The following ADIPOR1 variants were observed in gnomAD, a reference collection of about 807,000 sequenced individuals.
ADIPOR1 encodes adiponectin receptor protein 1.
Under a neutral mutation model 37.5 loss-of-function variants are expected in ADIPOR1, and 15 were observed. The ratio of observed to expected loss-of-function variants is 0.40; its 90% CI spans 0.27 to 0.62. ADIPOR1 has a LOEUF of 0.62. Among genes scored for constraint, ADIPOR1 ranks in the 20% least tolerant of loss-of-function variants. The pLI, the probability that ADIPOR1 is intolerant of heterozygous loss-of-function variation, is 0.42. For synonymous variants in ADIPOR1, 173 were observed against 173.2 expected (o/e 1.00, Z 0.01); for missense variants, 286 against 478.0 (o/e 0.60, Z 3.75).
In ADIPOR1 at chr1:202,943,785, T is replaced by TGG; in HGVS notation, c.776_777dup (p.Thr260ProfsTer18). 2 of 1,613,542 alleles carry TGG rather than the reference T, an allele frequency of 1.2e-6. No homozygotes were observed. The highest frequency in any genetic ancestry group is 1.7e-6 in the Non-Finnish European group (2 of 1,179,984). ...GCTCTTGTCTGCCGGTGCTTAGGAGTGGCAAACCGGTCCCACTGCGCCACA... is the reference window on the plus strand; with the variant it reads ...GCTCTTGTCTGCCGGTGCTTAGGAGTGGGGCAAACCGGTCCCACTGCGCCACA... On this transcript the variant is annotated frameshift_variant, in exon 6 of 8. Transcript: ENST00000340990. LOFTEE classifies it high-confidence loss of function.
chr1:202,941,499 C>T lies in ADIPOR1; in HGVS notation c.*74G>A, dbSNP rs538434248. ...CTAGAAACAGACAACTCAGACTCTT[C>T]CTCTCACTTCAGCAAAGAAGTTATT... On this transcript the variant is annotated 3_prime_UTR_variant, in exon 8 of 8. Coordinates refer to ENST00000340990, the MANE Select transcript of ADIPOR1 (RefSeq NM_015999.6). 3.9e-6 allele frequency: 6 copies of T among 1,526,508 alleles called. No individual in the cohort carries two copies. The highest frequency in any genetic ancestry group is 2.6e-5 in the South Asian group (2 of 77,244). 94.6% of individuals were successfully genotyped at this position (1,526,508 alleles called of 1,614,324 possible).
chr1:202,954,280 A>G (rs1298750187), intron 1 of ADIPOR1: 1 of 152,252 alleles, frequency 6.6e-6, no homozygotes, highest in Admixed American at 6.5e-5. Flanking sequence ...TAGTGAGCAA[A>G]GTCCATTGTC....
chr1:202,948,282 G>A (rs777319423), intron 3 of ADIPOR1, 22 bp downstream of exon 3: 3 of 1,567,536 alleles, frequency 1.9e-6, no homozygotes, highest in South Asian at 2.4e-5. Context: ...CCCCTTCCAG[G>A]ACAGAAGCTC....
At chr1:202,946,311 T>C (rs926418902) in intron 4 of ADIPOR1, 128 bp downstream of exon 4, 1 of 1,150,168 alleles carries the variant, frequency 8.7e-7, no homozygotes, top group Admixed American at 2.2e-5. Context: ...GTTATTAGCT[T>C]AAAGTCATTA....
At chr1:202,950,899 C>A in intron 2 of ADIPOR1, 31 bp downstream of exon 2, 1 of 1,613,496 alleles carries the variant, frequency 6.2e-7, no homozygotes, top group Non-Finnish European at 8.5e-7. Context: ...AGAAACTGAA[C>A]AAGGGGATGA....
intron 5 of ADIPOR1, 99 bp downstream of exon 5, chr1:202,944,884 C>G: frequency 1.6e-6 from 2 of 1,224,466 alleles, no homozygotes; most frequent in African/African-American, 1.5e-5. Context: ...ATCAAGAAAC[C>G]TTTAGGAGTG....
chr1:202,941,492 G>C lies in ADIPOR1; in HGVS notation c.*81C>G. The C allele has an allele frequency of 6.6e-7, 1 of 1,508,468 alleles. No homozygotes were observed. Among genetic ancestry groups the C allele is most frequent in the Non-Finnish European group, 8.9e-7 (1 of 1,126,528 alleles). 93.4% of individuals were successfully genotyped at this position (1,508,468 alleles called of 1,614,324 possible). On this transcript the variant is annotated 3_prime_UTR_variant, in exon 8 of 8. Coordinates refer to ENST00000340990, the MANE Select transcript of ADIPOR1 (RefSeq NM_015999.6). ...GTTTCTTCTAGAAACAGACAACTCA[G>C]ACTCTTCCTCTCACTTCAGCAAAGA...
At chr1:202,945,218 T>A in intron 4 of ADIPOR1, 49 bp from the exon 5 acceptor site, 2 of 1,479,786 alleles carry the variant, frequency 1.4e-6, no homozygotes, top group Non-Finnish European at 9.0e-7. Flanking sequence ...AGGGAATGTG[T>A]ACACTTTGAT....
chr1:202,950,785 T>C (rs1571567345), intron 2 of ADIPOR1, 145 bp downstream of exon 2: 12 of 1,147,662 alleles, frequency 1.0e-5, no homozygotes, highest in African/African-American at 6.2e-5. Flanking sequence ...AAGATGTTTA[T>C]AACAGTATCA....
chr1:202,958,496 C>A (rs1437031114), upstream of ADIPOR1: 1 of 152,844 alleles, frequency 6.5e-6, no homozygotes, highest in East Asian at 1.9e-4. Context: ...AGCCAGGTAA[C>A]CTCCACCCGC....
chr1:202,943,610 G>T, intron 6 of ADIPOR1, 148 bp downstream of exon 6: 1 of 858,308 alleles, frequency 1.2e-6, no homozygotes, highest in Non-Finnish European at 1.8e-6. Flanking sequence ...ACTGAGCTTT[G>T]AAATTGATGC....
intron 1 of ADIPOR1, among the ~76,000 whole-genome samples, chr1:202,957,689 T>G (rs1383098006): frequency 6.6e-6 from 1 of 152,178 alleles, no homozygotes; most frequent in African/African-American, 2.4e-5. Flanking sequence ...GAGGGCACTG[T>G]CAGGACTTGA....
Position 202,946,518 on chromosome 1 carries a change from G to C in ADIPOR1, c.351C>G (p.Pro117=). The change falls in exon 4 of 8, where the codon CCC becomes CCG. Residue 117 remains proline, a synonymous_variant. Transcript: ENST00000340990. ...NDYLLHGHRP[P]MPSFRACFKS... ...TGAAGCAAGCCCGAAAGGAGGGCAT[G>C]GGAGGTCTATGACCATGTAGCAGAT... The C allele has an allele frequency of 6.2e-7, 1 of 1,614,134 alleles. No individual in the cohort carries two copies. Among genetic ancestry groups the C allele is most frequent in the Non-Finnish European group, 8.5e-7 (1 of 1,180,032 alleles).
intron 6 of ADIPOR1, 111 bp from the exon 7 acceptor site, chr1:202,942,329 G>A: frequency 9.8e-7 from 1 of 1,020,862 alleles, no homozygotes; most frequent in Non-Finnish European, 1.4e-6. Context: ...ATTTTTGGAT[G>A]AATAGTACAT....
At chr1:202,947,511 T>G (rs1654382349) in intron 3 of ADIPOR1, among the ~76,000 whole-genome samples, 1 of 145,482 alleles carries the variant, frequency 6.9e-6, no homozygotes, top group African/African-American at 2.5e-5. Flanking sequence ...AGCAAAACTC[T>G]GTCTCAAAAA....
At chr1:202,943,720 TA>T (rs780762393) in intron 6 of ADIPOR1, 37 bp downstream of exon 6, 4 of 1,600,784 alleles carry the variant, frequency 2.5e-6, no homozygotes, top group Non-Finnish European at 3.4e-6. Context: ...GCCTAAGGTC[TA>T]AATACCTCTG....
rs1168008096 is a variant in ADIPOR1, at chr1:202,944,811, GT to G, written c.617+171del. ...GATGCAGTAAGTCTGTTCATGAAGT[GT>G]TTAAGAGAAAAGCTTCATCACCCCA... On this transcript the variant is annotated intron_variant, in intron 5 of 7. Coordinates refer to ENST00000340990, the MANE Select transcript of ADIPOR1 (RefSeq NM_015999.6). The G allele has an allele frequency of 1.0e-4, 61 of 583,028 alleles. No homozygotes were observed. In the East Asian group the frequency reaches 1.6e-3, roughly 15 times the overall value. 36.1% of individuals were successfully genotyped at this position (583,028 alleles called of 1,614,324 possible).
intron 6 of ADIPOR1, 105 bp downstream of exon 6, chr1:202,943,653 T>G: frequency 1.6e-6 from 2 of 1,269,458 alleles, no homozygotes; most frequent in South Asian, 1.6e-5. Flanking sequence ...AAATCAGGGT[T>G]TGGGTGGGGT....
chr1:202,951,700 G>A (rs1013101042), intron 1 of ADIPOR1, among the ~76,000 whole-genome samples: 6 of 152,212 alleles, frequency 3.9e-5, no homozygotes, highest in Non-Finnish European at 8.8e-5. Flanking sequence ...AAGGAACTTG[G>A]TTGTGGGACA....
Sources: allele counts gnomAD v4.1 joint callset (sites outside exome capture counted in the v4.1 genomes callset), GRCh38; gene constraint gnomAD v4.1.1; transcripts MANE v1.5; gene names NCBI Gene and HGNC (gene_info 2026-07-23, HGNC 2026-07-21).